Variants in SYCP1 observed in about 807,000 individuals in gnomAD.
SYCP1 encodes the protein synaptonemal complex protein 1, also known as cancer/testis antigen 8.
Under a neutral mutation model 153.1 loss-of-function variants are expected in SYCP1, and 64 were observed. The observed-to-expected ratio is 0.42, with a 90% CI of 0.34 to 0.51. The LOEUF (loss-of-function observed/expected upper bound fraction) is 0.51. Ranked by LOEUF, SYCP1 falls within the 20% of genes least tolerant of loss-of-function variation. The pLI, the probability that SYCP1 is intolerant of heterozygous loss-of-function variation, is 0.06. For missense variants in SYCP1, 997 were observed against 1,049.0 expected, an observed-to-expected ratio of 0.95 and a Z score of 0.68; for synonymous variants, 384 against 341.8, an observed-to-expected ratio of 1.12 and a Z score of -1.36.
intron 12 of SYCP1, among the ~76,000 whole-genome samples, chr1:114,880,704 G>A (rs949399852): frequency 1.4e-4 from 22 of 152,154 alleles, no homozygotes; most frequent in Non-Finnish European, 2.1e-4. Context: ...GCCCAGATCG[G>A]CAGATGTCAG....
chr1:114,900,182 A>T (rs1391243673), intron 16 of SYCP1, among the ~76,000 whole-genome samples: 1 of 152,210 alleles, frequency 6.6e-6, no homozygotes, highest in African/African-American at 2.4e-5. Context: ...ATTAGTTTTT[A>T]CAATCCTTCC....
chr1:114,905,247 C>T (rs903824058), intron 16 of SYCP1, among the ~76,000 whole-genome samples: 2 of 152,060 alleles, frequency 1.3e-5, no homozygotes, highest in Admixed American at 6.6e-5. Context: ...CAAACCTATT[C>T]CAAAGTTCAA....
At chr1:114,962,343 T>C (rs1671833772) in intron 27 of SYCP1, among the ~76,000 whole-genome samples, 1 of 152,142 alleles carries the variant, frequency 6.6e-6, no homozygotes. Context: ...GGAGAACCAG[T>C]GTTAGGTGCA....
chr1:114,858,774 T>C, intron 6 of SYCP1, 63 bp downstream of exon 6: 3 of 1,342,576 alleles, frequency 2.2e-6, no homozygotes, highest in South Asian at 2.8e-5. Context: ...CTGTTGAAAG[T>C]AGAGTATTAG....
chr1:114,989,423 G>A (rs1414156433), intron 30 of SYCP1, among the ~76,000 whole-genome samples: 1 of 151,806 alleles, frequency 6.6e-6, no homozygotes, highest in African/African-American at 2.4e-5. Flanking sequence ...GACAGTAATG[G>A]AGGAGACAAA....
At chr1:114,896,976 A>T (rs898359879) in intron 16 of SYCP1, among the ~76,000 whole-genome samples, 1 of 152,168 alleles carries the variant, frequency 6.6e-6, no homozygotes, top group Non-Finnish European at 1.5e-5. Context: ...TTGAATCCCC[A>T]GTTACCACAC....
chr1:114,917,710 G>T (rs1336312187), intron 20 of SYCP1, among the ~76,000 whole-genome samples: 1 of 152,038 alleles, frequency 6.6e-6, no homozygotes, highest in Non-Finnish European at 1.5e-5. Context: ...TTGTAGTTTT[G>T]ATTTGCATTT....
intron 27 of SYCP1, among the ~76,000 whole-genome samples, chr1:114,969,495 C>A (rs1029623994): frequency 1.3e-5 from 2 of 152,148 alleles, no homozygotes; most frequent in Non-Finnish European, 2.9e-5. Flanking sequence ...TCCACCTCCC[C>A]CAACAAGCTC....
At chr1:114,860,855 T>C (rs1397440561) in intron 8 of SYCP1, 46 bp downstream of exon 8, 1 of 1,388,100 alleles carries the variant, frequency 7.2e-7, no homozygotes, top group Non-Finnish European at 9.7e-7. Context: ...TTTATTTTAC[T>C]GGTAGAGGTG....
Position 114,858,592 on chromosome 1 carries a change from G to A in SYCP1, c.337G>A (p.Ala113Thr). Residue 113 changes from alanine to threonine, a missense_variant, in exon 6 of 32, where the codon GCT (alanine) becomes ACT (threonine). Physicochemically the swap from Ala to Thr is moderately conservative, Grantham distance 58 (BLOSUM62 0). Transcript: ENST00000369522. ...AGTGTATTCAAAACTGTATAAGGAG[G>A]CTGAAAAGATAAAAAAATGGAAAGT... is the stretch of plus-strand genomic sequence containing the variant. ...SRVYSKLYKE[A>T]EKIKKWKVST... 1.9e-6 allele frequency: 3 copies of A among 1,612,478 alleles called. No individual in the cohort carries two copies. The highest frequency in any genetic ancestry group is 2.5e-6 in the Non-Finnish European group (3 of 1,179,094).
intron 27 of SYCP1, among the ~76,000 whole-genome samples, chr1:114,955,183 T>G (rs1671358122): frequency 6.6e-6 from 1 of 152,218 alleles, no homozygotes; most frequent in South Asian, 2.1e-4. Flanking sequence ...TCTTTTTATC[T>G]TGTTGATATG....
At chr1:114,964,061 C>A (rs902496066) in intron 27 of SYCP1, among the ~76,000 whole-genome samples, 15 of 152,184 alleles carry the variant, frequency 9.9e-5, no homozygotes, top group Non-Finnish European at 1.6e-4. Context: ...TTAATGATTG[C>A]CATTCTAACT....
At chr1:114,897,140 A>G (rs1293901561) in intron 16 of SYCP1, among the ~76,000 whole-genome samples, 1 of 152,170 alleles carries the variant, frequency 6.6e-6, no homozygotes, top group African/African-American at 2.4e-5. Flanking sequence ...AAAGAAGTAC[A>G]TCTAACTGCC....
At chr1:114,942,920 A>C (rs1670476579) in intron 23 of SYCP1, among the ~76,000 whole-genome samples, 1 of 151,988 alleles carries the variant, frequency 6.6e-6, no homozygotes, top group African/African-American at 2.4e-5. Context: ...TAAAGAACAA[A>C]GGATTAGAAC....
At chr1:114,984,102 C>T (rs748086682) in intron 29 of SYCP1, among the ~76,000 whole-genome samples, 7 of 151,830 alleles carry the variant, frequency 4.6e-5, no homozygotes, top group Non-Finnish European at 8.8e-5. Context: ...GAGTTGGGGT[C>T]TTGCTATGTT....
intron 27 of SYCP1, among the ~76,000 whole-genome samples, chr1:114,959,919 C>G (rs563549125): frequency 6.6e-6 from 1 of 152,194 alleles, no homozygotes; most frequent in African/African-American, 2.4e-5. Context: ...ATCACAGGAT[C>G]TTATTCTTTT....
chr1:114,885,402 A>G (rs1666224627), intron 12 of SYCP1, 133 bp from the exon 13 acceptor site: 2 of 529,992 alleles, frequency 3.8e-6, no homozygotes, highest in Middle Eastern at 5.0e-4. Context: ...TTGTGTGTCT[A>G]TATTTGCATA....
intron 12 of SYCP1, among the ~76,000 whole-genome samples, chr1:114,882,076 T>G (rs749565326): frequency 6.6e-6 from 1 of 152,110 alleles, no homozygotes; most frequent in Non-Finnish European, 1.5e-5. Context: ...GTGTTGCATC[T>G]TGGGAGGCTG....
chr1:114,926,600 A>T (rs1196570250), intron 23 of SYCP1, 37 bp downstream of exon 23: 2 of 1,481,854 alleles, frequency 1.3e-6, no homozygotes, highest in Non-Finnish European at 9.2e-7. Flanking sequence ...TTAAATACTA[A>T]TAGATAGATG....
Sources: gnomAD v4.1 joint callset for allele counts (sites outside exome capture counted in the v4.1 genomes callset) on GRCh38, gnomAD v4.1.1 for gene constraint, MANE v1.5 for transcripts, NCBI Gene and HGNC (gene_info 2026-07-23, HGNC 2026-07-21) for gene names.